Variants in ESRRG observed in about 807,000 individuals in gnomAD.
The protein encoded by ESRRG is estrogen related receptor gamma.
In ESRRG, 13 loss-of-function variants were observed where a neutral mutation model predicts 44.0. The observed-to-expected ratio is 0.30, with a 90% CI of 0.19 to 0.47. The LOEUF is 0.47. Among genes scored for constraint, ESRRG ranks in the 20% least tolerant of loss-of-function variants. ESRRG has a pLI of 1.00. For missense variants in ESRRG, 395 were observed against 580.6 expected (o/e 0.68, Z 3.29); for synonymous variants, 215 against 214.6 (o/e 1.00, Z -0.02).
chr1:216,944,941 T>A (rs1321795955), intron 1 of ESRRG, among the ~76,000 whole-genome samples: 1 of 152,038 alleles, frequency 6.6e-6, no homozygotes, highest in Non-Finnish European at 1.5e-5. Context: ...ACACTGCAAA[T>A]TTAGAGGGAC....
At chr1:216,529,673 T>C (rs2048713369) in intron 5 of ESRRG, among the ~76,000 whole-genome samples, 1 of 152,178 alleles carries the variant, frequency 6.6e-6, no homozygotes, top group South Asian at 2.1e-4. Context: ...TTTCACTATT[T>C]CTAACTCAAA....
intron 2 of ESRRG, among the ~76,000 whole-genome samples, chr1:216,738,826 T>A (rs1014172986): frequency 6.6e-6 from 1 of 152,192 alleles, no homozygotes; most frequent in Non-Finnish European, 1.5e-5. Context: ...TTATCCTTTT[T>A]AAAAATTTTA....
Position 216,678,608 on chromosome 1 carries a change from T to G in ESRRG, c.57-1117A>C, listed in dbSNP as rs531495993. 1.5e-3 allele frequency among the ~76,000 whole-genome samples: 229 copies of G among 152,296 alleles called. 2 individuals are homozygous for G. The highest frequency in any genetic ancestry group is 5.5e-3 in the African/African-American group (227 of 41,572). On this transcript the variant is annotated intron_variant, in intron 1 of 6. Transcript: ENST00000408911. ...TTGTTGTTCTCACAAGTGACCGAAT[T>G]TCTGGAAAGGTAATTAGATGAAAAG... is the stretch of plus-strand genomic sequence containing the variant.
intron 5 of ESRRG, among the ~76,000 whole-genome samples, chr1:216,540,274 T>C (rs1235061865): frequency 6.6e-6 from 1 of 152,032 alleles, no homozygotes; most frequent in Non-Finnish European, 1.5e-5. Context: ...ACTTCCGTAC[T>C]CTATGCAGAA....
intron 1 of ESRRG, among the ~76,000 whole-genome samples, chr1:216,949,694 T>C (rs1284837544): frequency 2.0e-5 from 3 of 152,248 alleles, no homozygotes; most frequent in African/African-American, 4.8e-5. Flanking sequence ...AGCTTGTCTC[T>C]GTCATCTTCT....
Position 216,594,755 on chromosome 1 carries a change from A to G in ESRRG, c.590-26657T>C, listed in dbSNP as rs1254045253. 2.0e-5 allele frequency among the ~76,000 whole-genome samples: 3 copies of G among 152,220 alleles called. No homozygotes were observed. The East Asian group carries it at 5.8e-4, about 29-fold the overall frequency. On this transcript the variant is annotated intron_variant, in intron 3 of 6. Transcript: ENST00000408911. The stretch of plus-strand genomic sequence containing the variant: ...AGGATTTAGAAAGACAGCATCACTA[A>G]AAGACACATTACTTGGCACACAGCA...
chr1:216,946,413 G>T (rs963714295), intron 1 of ESRRG, among the ~76,000 whole-genome samples: 2 of 152,144 alleles, frequency 1.3e-5, no homozygotes, highest in Non-Finnish European at 2.9e-5. Flanking sequence ...TGCAGCATAG[G>T]CCCTCGCATG....
At chr1:216,920,961 C>A (rs1040692550) in intron 2 of ESRRG, among the ~76,000 whole-genome samples, 1 of 152,106 alleles carries the variant, frequency 6.6e-6, no homozygotes, top group African/African-American at 2.4e-5. Context: ...AAGTTTAAAT[C>A]CCAGACCCAA....
intron 5 of ESRRG, among the ~76,000 whole-genome samples, chr1:216,553,148 G>A (rs917423893): frequency 2.6e-5 from 4 of 151,874 alleles, no homozygotes; most frequent in Admixed American, 1.3e-4. Context: ...GTCAGGAAGA[G>A]TTAGTTTCTC....
At chr1:216,667,698 A>AG (rs2151336408) in intron 2 of ESRRG, among the ~76,000 whole-genome samples, 1 of 150,766 alleles carries the variant, frequency 6.6e-6, no homozygotes, top group East Asian at 2.0e-4. Flanking sequence ...AAAAAAAAAA[A>AG]AAAAAAAAAA....
chr1:216,935,125 C>T lies in ESRRG; in HGVS notation c.-14+4457G>A, dbSNP rs778004934. 3.3e-5 allele frequency among the ~76,000 whole-genome samples: 5 copies of T among 152,258 alleles called. No individual in the cohort carries two copies. The East Asian group carries it at 5.8e-4, about 18-fold the overall frequency. On this transcript the variant is annotated intron_variant, in intron 2 of 7. Coordinates refer to the ESRRG transcript ENST00000359162. ...CAACACAGACACTTCTGTGTTCAGA[C>T]GTGTGGGCTTGCTTTTGCTTTCCCA...
intron 1 of ESRRG, among the ~76,000 whole-genome samples, chr1:216,711,772 T>C (rs1210321527): frequency 6.6e-6 from 1 of 152,222 alleles, no homozygotes. Context: ...GTAGATAGAA[T>C]TCATGTGTCT....
intron 1 of ESRRG, among the ~76,000 whole-genome samples, chr1:216,685,746 A>AT (rs1414673100): frequency 6.6e-6 from 1 of 152,188 alleles, no homozygotes; most frequent in South Asian, 2.1e-4. Flanking sequence ...GGAAATGCAA[A>AT]TGCTATCACA....
rs1012137398 is a variant in ESRRG at position 216,761,731 on chromosome 1, T to C, written c.-13-84240A>G. Among the ~76,000 whole-genome samples the C allele has an allele frequency of 2.0e-5, 3 of 152,240 alleles. No homozygotes were observed. In the South Asian group the frequency reaches 6.2e-4, roughly 32 times the overall value. ...GTATTAGGCTTAAATATGACCACAG[T>C]TTGAAATACCTTAATACTTGTCAAG... On this transcript the variant is annotated intron_variant, in intron 2 of 7. Transcript: ENST00000359162.
intron 1 of ESRRG, among the ~76,000 whole-genome samples, chr1:217,088,456 C>T (rs2092232281): frequency 8.7e-6 from 1 of 115,602 alleles, no homozygotes; most frequent in Non-Finnish European, 1.6e-5. Flanking sequence ...CTATTTTCAA[C>T]ATTGCCCTCT....
intron 1 of ESRRG, among the ~76,000 whole-genome samples, chr1:216,979,424 A>C (rs1320293203): frequency 1.3e-5 from 2 of 152,140 alleles, no homozygotes; most frequent in African/African-American, 4.8e-5. Flanking sequence ...TTTGCCAGTC[A>C]CTGTCTTCTT....
intron 2 of ESRRG, among the ~76,000 whole-genome samples, chr1:216,925,210 G>A (rs570329174): frequency 3.9e-5 from 6 of 152,082 alleles, no homozygotes; most frequent in East Asian, 1.9e-4. Flanking sequence ...AGGCCGAGGC[G>A]GGCAGATCAT....
At chr1:216,786,183 A>G (rs1274588175) in intron 2 of ESRRG, among the ~76,000 whole-genome samples, 2 of 152,050 alleles carry the variant, frequency 1.3e-5, no homozygotes, top group Non-Finnish European at 2.9e-5. Context: ...TCTCTTCTAT[A>G]TTGTTTAATT....
At chr1:217,130,747 T>G (rs1008475293) in intron 1 of ESRRG, among the ~76,000 whole-genome samples, 8 of 152,172 alleles carry the variant, frequency 5.3e-5, no homozygotes, top group African/African-American at 1.9e-4. Context: ...TGAATCTTCT[T>G]TTAACTTATA....
Sources: gnomAD v4.1 joint callset for allele counts (sites outside exome capture counted in the v4.1 genomes callset) on GRCh38, gnomAD v4.1.1 for gene constraint, MANE v1.5 for transcripts, NCBI Gene and HGNC (gene_info 2026-07-23, HGNC 2026-07-21) for gene names.